RWDD3: variants seen among roughly 807,000 people sequenced by gnomAD.
RWDD3 encodes RWD domain-containing protein 3.
RWDD3 carries 30 observed loss-of-function variants against 26.5 expected under a neutral mutation model. The ratio of observed to expected loss-of-function variants is 1.13; its 90% CI spans 0.85 to 1.54. RWDD3 has a LOEUF of 1.54. Among genes scored for constraint, RWDD3 ranks in the 40% most tolerant of loss-of-function variants. The pLI is 0.00. For synonymous variants in RWDD3, 113 were observed against 114.5 expected (o/e 0.99, Z 0.09); for missense variants, 296 against 309.1 (o/e 0.96, Z 0.32).
chr1:95,241,601 A>G lies in RWDD3; in HGVS notation c.86-2610A>G, dbSNP rs183075502. Reference sequence around the variant, plus strand: ...CGGTTATGCAAAAGTCCTTGAACAAAGATATTAATGCCCTTTGCTCAGAAG... The same window carrying G: ...CGGTTATGCAAAAGTCCTTGAACAAGGATATTAATGCCCTTTGCTCAGAAG... On this transcript the variant is annotated intron_variant, in intron 1 of 3. Coordinates refer to ENST00000370202, the MANE Select transcript of RWDD3 (RefSeq NM_015485.5). Among the ~76,000 whole-genome samples the G allele has an allele frequency of 1.4e-3, 219 of 152,306 alleles. 1 individual carries two copies. The highest frequency in any genetic ancestry group is 4.7e-3 in the African/African-American group (196 of 41,572).
intron 1 of RWDD3, among the ~76,000 whole-genome samples, chr1:95,235,870 A>T (rs1006132576): frequency 6.6e-6 from 1 of 151,918 alleles, no homozygotes; most frequent in Non-Finnish European, 1.5e-5. Flanking sequence ...TATTGAATAA[A>T]AAAAAAAGAA....
Position 95,246,607 on chromosome 1 carries a change from G to A in RWDD3, c.639G>A (p.Glu213=), listed in dbSNP as rs770047964. Reference sequence around the variant, plus strand: ...ACTCAAGTGGAAAGAAATGCAAAGAGAAAATGATTAGTGTACTGTTTGAAA... The same window carrying A: ...ACTCAAGTGGAAAGAAATGCAAAGAAAAAATGATTAGTGTACTGTTTGAAA... ...DVDSSGKKCK[E]KMISVLFETK... Residue 213 remains glutamate, a synonymous_variant, in exon 3 of 4, where the codon GAG becomes GAA. Transcript: ENST00000370202. 1.2e-6 allele frequency: 2 copies of A among 1,612,944 alleles called. No homozygotes were observed. The highest frequency in any genetic ancestry group is 2.2e-5 in the South Asian group (2 of 91,002).
rs529660999 is a variant in RWDD3, at chr1:95,244,418, C to T, written c.293C>T (p.Pro98Leu). 1.9e-6 allele frequency: 3 copies of T among 1,614,040 alleles called. No individual in the cohort carries two copies. The highest frequency in any genetic ancestry group is 1.7e-5 in the Admixed American group (1 of 59,986). Reference protein sequence around the residue: ...LEQAESLLSEPMVHELVLWIQ... With the variant: ...LEQAESLLSELMVHELVLWIQ... ...CAAGCAGAGAGCCTTTTGTCGGAGCCTATGGTTCATGAGCTGGTTCTCTGG... is the reference window on the plus strand; with the variant it reads ...CAAGCAGAGAGCCTTTTGTCGGAGCTTATGGTTCATGAGCTGGTTCTCTGG... Residue 98 changes from proline to leucine, a missense_variant, in exon 2 of 4, where the codon CCT becomes CTT. Pro to Leu is a moderately conservative substitution (Grantham distance 98, BLOSUM62 -3). Coordinates refer to ENST00000370202, the MANE Select transcript of RWDD3 (RefSeq NM_015485.5).
chr1:95,245,002 G>A lies in RWDD3; in HGVS notation c.573+304G>A, dbSNP rs191085722. 11 of 274,346 alleles carry A rather than the reference G, an allele frequency of 4.0e-5. No individual in the cohort carries two copies. The East Asian group carries it at 7.5e-4, about 19-fold the overall frequency. The allele number at this position is 274,346 out of a possible 1,614,324, so 17.0% of individuals were successfully genotyped here. ...TGTTTCTGTAATTAGCTATGAGCTTGAATTTTATAAATGTGCACTAAAAGT... is the reference window on the plus strand; with the variant it reads ...TGTTTCTGTAATTAGCTATGAGCTTAAATTTTATAAATGTGCACTAAAAGT... On this transcript the variant is annotated intron_variant, in intron 2 of 3. Transcript: ENST00000370202.
At chr1:95,243,921 T>A (rs1198526489) in intron 1 of RWDD3, among the ~76,000 whole-genome samples, 1 of 152,150 alleles carries the variant, frequency 6.6e-6, no homozygotes, top group Non-Finnish European at 1.5e-5. Context: ...AGAAAAAAAA[T>A]TATCTGATGA....
At chr1:95,234,344 G>A in intron 1 of RWDD3, 29 bp downstream of exon 1, 1 of 1,562,202 alleles carries the variant, frequency 6.4e-7, no homozygotes, top group Non-Finnish European at 8.7e-7. Context: ...GAGGGACAGG[G>A]CGCCCTCAGG....
chr1:95,238,416 G>GTTTTTTTTTTTT, intron 1 of RWDD3, among the ~76,000 whole-genome samples: 1 of 145,662 alleles, frequency 6.9e-6, no homozygotes, highest in Non-Finnish European at 1.5e-5. Context: ...TTTATTTTTA[G>GTTTTTTTTTTTT]TTTTTTTTTT....
At chr1:95,244,183 C>G (rs559136034) in intron 1 of RWDD3, 28 bp from the exon 2 acceptor site, 1 of 1,604,116 alleles carries the variant, frequency 6.2e-7, no homozygotes, top group African/African-American at 1.3e-5. Context: ...TAATGTACAG[C>G]TAATGATTAT....
intron 2 of RWDD3, among the ~76,000 whole-genome samples, chr1:95,245,481 G>A (rs1258500264): frequency 6.6e-6 from 1 of 152,138 alleles, no homozygotes; most frequent in Non-Finnish European, 1.5e-5. Context: ...AATTTAGTGT[G>A]AACAGTGAAT....
In RWDD3 at chr1:95,235,351, C is replaced by CTTTTTTTTT. The variant is rs1166711835; in HGVS notation, c.85+1053_85+1061dup. On this transcript the variant is annotated intron_variant, in intron 1 of 3. Transcript: ENST00000370202. Reference sequence around the variant, plus strand: ...ACAGGCGTGAGCCACTGCGCCCGGCCTTTTTTTTTTTTTTTTTTTTTTTTT... The same window carrying CTTTTTTTTT: ...ACAGGCGTGAGCCACTGCGCCCGGCCTTTTTTTTTTTTTTTTTTTTTTTTTTTTTTTTTT... Among the ~76,000 whole-genome samples the CTTTTTTTTT allele has an allele frequency of 4.1e-4, 17 of 41,368 alleles. 3 individuals are homozygous for CTTTTTTTTT. Among genetic ancestry groups the CTTTTTTTTT allele is most frequent in the East Asian group, 9.7e-4 (1 of 1,026 alleles). The allele number at this position is 41,368 out of a possible 152,430, so 27.1% of individuals were successfully genotyped here. A position where few individuals can be genotyped will look rare whatever the true frequency, so the allele number is the denominator to read the frequency against.
At chr1:95,236,368 ATGT>A (rs1200246320) in intron 1 of RWDD3, among the ~76,000 whole-genome samples, 4 of 150,850 alleles carry the variant, frequency 2.7e-5, no homozygotes, top group African/African-American at 4.9e-5. Flanking sequence ...AATGGGCTGG[ATGT>A]TGTGAGAAAA....
At chr1:95,246,212 C>T (rs1287325191) in intron 2 of RWDD3, 2 of 189,822 alleles carry the variant, frequency 1.1e-5, no homozygotes, top group Non-Finnish European at 2.2e-5. Context: ...ACAACTTCCC[C>T]ATGAGGTAGA....
At chr1:95,239,656 C>T (rs1013111938) in intron 1 of RWDD3, 23 of 861,552 alleles carry the variant, frequency 2.7e-5, no homozygotes, top group Non-Finnish European at 3.6e-5. Context: ...AATGCTAATC[C>T]TTTCCAATTC....
intron 2 of RWDD3, chr1:95,245,095 G>T: frequency 5.8e-6 from 1 of 171,656 alleles, no homozygotes; most frequent in Non-Finnish European, 1.2e-5. Context: ...TAGTCTGCAA[G>T]ATTTGTAACT....
At chr1:95,243,641 C>T (rs114088373) in intron 1 of RWDD3, 2,418 of 152,594 alleles carry the variant, frequency 0.016, 35 homozygotes, top group Middle Eastern at 0.034. Context: ...TTGCCACCTT[C>T]ATATTATACT....
At chr1:95,237,989 C>T (rs1680435620) in intron 1 of RWDD3, among the ~76,000 whole-genome samples, 2 of 152,212 alleles carry the variant, frequency 1.3e-5, no homozygotes, top group Admixed American at 6.5e-5. Context: ...TGTGAGCCAA[C>T]TTATGTTCAG....
intron 1 of RWDD3, among the ~76,000 whole-genome samples, chr1:95,241,332 A>T (rs1401338928): frequency 6.6e-6 from 1 of 152,100 alleles, no homozygotes; most frequent in East Asian, 1.9e-4. Context: ...TCATGTTCAC[A>T]TTGATTCTCC....
chr1:95,243,693 G>A (rs944579229), intron 1 of RWDD3, among the ~76,000 whole-genome samples: 2 of 152,158 alleles, frequency 1.3e-5, no homozygotes, highest in African/African-American at 4.8e-5. Flanking sequence ...ATTCCAGGCA[G>A]TTACTATGTC....
chr1:95,242,475 C>T (rs941825257), intron 1 of RWDD3, among the ~76,000 whole-genome samples: 5 of 152,196 alleles, frequency 3.3e-5, no homozygotes, highest in African/African-American at 1.2e-4. Flanking sequence ...GAGAGAATGT[C>T]AACTCCCTAG....
Sources: allele counts gnomAD v4.1 joint callset (sites outside exome capture counted in the v4.1 genomes callset), GRCh38; gene constraint gnomAD v4.1.1; transcripts MANE v1.5; gene names NCBI Gene and HGNC (gene_info 2026-07-23, HGNC 2026-07-21).